The following TMEM132C variants were observed in gnomAD, a reference collection of about 807,000 sequenced individuals.
The protein encoded by TMEM132C is transmembrane protein 132C.
TMEM132C carries 29 observed loss-of-function variants against 61.4 expected under a neutral mutation model. The observed-to-expected ratio is 0.47, with a 90% CI of 0.35 to 0.64. The LOEUF is 0.64. TMEM132C is among the 30% of genes least tolerant of loss of function. The pLI, the probability that TMEM132C is intolerant of heterozygous loss-of-function variation, is 0.00. For missense variants in TMEM132C, 1,408 were observed against 1,476.9 expected (o/e 0.95, Z 0.76); for synonymous variants, 656 against 633.1 (o/e 1.04, Z -0.54).
intron 5 of TMEM132C, among the ~76,000 whole-genome samples, chr12:128,676,801 A>G (rs1163473148): frequency 6.6e-6 from 1 of 152,218 alleles, no homozygotes; most frequent in Non-Finnish European, 1.5e-5. Context: ...TCACCTTACA[A>G]TGCATCATGA....
chr12:128,526,923 A>C (rs1873105847), intron 2 of TMEM132C, among the ~76,000 whole-genome samples: 1 of 152,192 alleles, frequency 6.6e-6, no homozygotes, highest in South Asian at 2.1e-4. Context: ...CAGATCATGC[A>C]GGGCCTTAAG....
At chr12:128,375,509 C>T (rs965031166) in intron 1 of TMEM132C, among the ~76,000 whole-genome samples, 2 of 152,060 alleles carry the variant, frequency 1.3e-5, no homozygotes, top group South Asian at 2.1e-4. Flanking sequence ...AGTTTCCCTC[C>T]GTGTCTCTCC....
intron 2 of TMEM132C, among the ~76,000 whole-genome samples, chr12:128,472,635 A>T (rs1870990156): frequency 6.6e-6 from 1 of 152,164 alleles, no homozygotes; most frequent in Non-Finnish European, 1.5e-5. Context: ...TGTGAATTCC[A>T]AGGGGAGATA....
intron 2 of TMEM132C, among the ~76,000 whole-genome samples, chr12:128,446,216 G>A (rs1288948906): frequency 6.6e-6 from 1 of 152,162 alleles, no homozygotes; most frequent in Non-Finnish European, 1.5e-5. Context: ...CAAACTCACA[G>A]GGCAGTGACA....
chr12:128,477,176 G>A (rs1292243506), intron 2 of TMEM132C, among the ~76,000 whole-genome samples: 1 of 152,134 alleles, frequency 6.6e-6, no homozygotes, highest in Non-Finnish European at 1.5e-5. Context: ...GATTTGGAGT[G>A]GGCTGGTCTG....
At chr12:128,395,105 G>T (rs1012813783) in intron 1 of TMEM132C, among the ~76,000 whole-genome samples, 2 of 151,128 alleles carry the variant, frequency 1.3e-5, no homozygotes, top group Non-Finnish European at 2.9e-5. Flanking sequence ...TCATAGCGTT[G>T]TGTTTCAGTT....
At chr12:128,632,813 C>A (rs1471582232) in intron 4 of TMEM132C, among the ~76,000 whole-genome samples, 1 of 152,208 alleles carries the variant, frequency 6.6e-6, no homozygotes, top group African/African-American at 2.4e-5. Flanking sequence ...TGGAATATAT[C>A]TCTTTAAATC....
intron 5 of TMEM132C, among the ~76,000 whole-genome samples, chr12:128,683,100 C>T (rs1016808706): frequency 6.6e-6 from 1 of 152,110 alleles, no homozygotes; most frequent in East Asian, 1.9e-4. Context: ...AGAAACTGCA[C>T]GCGTGGTGCG....
At chr12:128,662,221 A>G (rs1195175587) in intron 4 of TMEM132C, among the ~76,000 whole-genome samples, 1 of 152,102 alleles carries the variant, frequency 6.6e-6, no homozygotes, top group African/African-American at 2.4e-5. Context: ...CAATTTTCAG[A>G]GAGAAAGAGA....
chr12:128,427,232 G>A (rs1869216310), intron 2 of TMEM132C, among the ~76,000 whole-genome samples: 1 of 152,104 alleles, frequency 6.6e-6, no homozygotes, highest in Non-Finnish European at 1.5e-5. Context: ...AAAAAAACAG[G>A]CATCCCTATT....
At chr12:128,386,276 T>C (rs1425585859) in intron 1 of TMEM132C, among the ~76,000 whole-genome samples, 1 of 152,184 alleles carries the variant, frequency 6.6e-6, no homozygotes, top group East Asian at 1.9e-4. Context: ...CCTCTGAAAG[T>C]GGCACCGTTT....
At position 128,707,575 on chromosome 12, in the gene TMEM132C, A is replaced by T. The variant is rs921813604; in HGVS notation, c.*1280A>T. On this transcript the variant is annotated 3_prime_UTR_variant, in exon 9 of 9. Coordinates refer to ENST00000435159, the MANE Select transcript of TMEM132C (RefSeq NM_001136103.3). ...AAAATGCATTCATCCAAAGCGACAC[A>T]TGTGGCAACGTAGACCACGCCAGTG... 2.0e-5 allele frequency: 3 copies of T among 152,214 alleles called. No homozygotes were observed. Among genetic ancestry groups the T allele is most frequent in the Admixed American group, 2.0e-4 (3 of 15,286 alleles). The allele number at this position is 152,214 out of a possible 1,614,324, so 9.4% of individuals were successfully genotyped here. A position where few individuals can be genotyped will look rare whatever the true frequency, so the allele number is the denominator to read the frequency against.
chr12:128,548,654 A>G (rs1874047978), intron 3 of TMEM132C, among the ~76,000 whole-genome samples: 1 of 152,194 alleles, frequency 6.6e-6, no homozygotes, highest in African/African-American at 2.4e-5. Flanking sequence ...AATTTGTCAC[A>G]ATCATGCCAC....
At chr12:128,521,319 A>ATATATGTG (rs1052490746) in intron 2 of TMEM132C, among the ~76,000 whole-genome samples, 1 of 21,578 alleles carries the variant, frequency 4.6e-5, no homozygotes, top group African/African-American at 7.3e-5. Context: ...ATATATATAT[A>ATATATGTG]TGTGTGTGTG....
intron 5 of TMEM132C, among the ~76,000 whole-genome samples, chr12:128,672,607 G>A (rs1313445899): frequency 6.6e-6 from 1 of 152,210 alleles, no homozygotes; most frequent in Admixed American, 6.5e-5. Flanking sequence ...AAAGCAATGT[G>A]AAATCTTGAG....
chr12:128,402,527 G>A (rs961404806), intron 1 of TMEM132C, among the ~76,000 whole-genome samples: 10 of 152,302 alleles, frequency 6.6e-5, no homozygotes, highest in Middle Eastern at 3.4e-3. Context: ...TAAGTTTGTA[G>A]TAATTCGTTC....
At position 128,326,779 on chromosome 12, in the gene TMEM132C, G is replaced by C. The variant is rs113732626; in HGVS notation, c.85+59292G>C. 1.4e-5 allele frequency among the ~76,000 whole-genome samples: 2 copies of C among 140,090 alleles called. No homozygotes were observed. The highest frequency in any genetic ancestry group is 6.6e-5 in the African/African-American group (2 of 30,148). 91.9% of individuals were successfully genotyped at this position (140,090 alleles called of 152,430 possible). A position where few individuals can be genotyped will look rare whatever the true frequency, so the allele number is the denominator to read the frequency against. Reference sequence around the variant, plus strand: ...GATGTCTTTATGGCTCCCACATCTCGTTACCGACTTCACAATATTTTTTTT... The same window carrying C: ...GATGTCTTTATGGCTCCCACATCTCCTTACCGACTTCACAATATTTTTTTT... On this transcript the variant is annotated intron_variant, in intron 1 of 8. Coordinates refer to ENST00000435159, the MANE Select transcript of TMEM132C (RefSeq NM_001136103.3). This position sits in a 1 kb window ranked among gnomAD's most constrained non-coding sequence, Gnocchi z 5.6.
At chr12:128,466,653 T>C (rs1219476315) in intron 2 of TMEM132C, among the ~76,000 whole-genome samples, 1 of 152,166 alleles carries the variant, frequency 6.6e-6, no homozygotes. Flanking sequence ...ATCCTCTGCC[T>C]CCTGAGTACG....
At chr12:128,543,847 A>G (rs1309009971) in intron 2 of TMEM132C, 110 bp from the exon 3 acceptor site, 9 of 1,411,640 alleles carry the variant, frequency 6.4e-6, no homozygotes, top group Middle Eastern at 1.8e-4. Flanking sequence ...ATATGAAAAA[A>G]GTGGAAAAGC....
Sources: gnomAD v4.1 joint callset for allele counts (sites outside exome capture counted in the v4.1 genomes callset) on GRCh38, gnomAD v4.1.1 for gene constraint, Gnocchi (gnomAD v3.1) non-coding constraint, MANE v1.5 for transcripts, NCBI Gene and HGNC (gene_info 2026-07-23, HGNC 2026-07-21) for gene names.